The following MPDZ variants were observed in gnomAD, a reference collection of about 807,000 sequenced individuals.
MPDZ encodes multiple PDZ domain protein.
MPDZ carries 234 observed loss-of-function variants against 239.1 expected under a neutral mutation model. The observed-to-expected ratio is 0.98, with a 90% CI of 0.88 to 1.09. The LOEUF (loss-of-function observed/expected upper bound fraction) is 1.09, where lower values mean the gene tolerates loss of function less well. MPDZ is among the 50% of genes least tolerant of loss of function. MPDZ has a pLI of 0.00. For missense variants in MPDZ, 3,175 were observed against 2,510.0 expected (o/e 1.26, Z -5.66); for synonymous variants, 1,048 against 881.3 (o/e 1.19, Z -3.35).
rs926880379 is a variant in MPDZ at position 13,188,686 on chromosome 9, G to C, written c.2364+98C>G. The C allele has an allele frequency of 4.5e-5, 44 of 982,684 alleles. No homozygotes were observed. Among genetic ancestry groups the C allele is most frequent in the East Asian group, 4.1e-4 (17 of 40,978 alleles). 60.9% of individuals were successfully genotyped at this position (982,684 alleles called of 1,614,324 possible). A position where few individuals can be genotyped will look rare whatever the true frequency, so the allele number is the denominator to read the frequency against. ...ATCACGTTGATGAAAACTACTAAAA[G>C]TCACGATTCAATCATGAGAACACCT... On this transcript the variant is annotated intron_variant, in intron 17 of 46. Coordinates refer to ENST00000319217, the MANE Select transcript of MPDZ (RefSeq NM_001378778.1).
intron 27 of MPDZ, among the ~76,000 whole-genome samples, chr9:13,142,547 C>T (rs1456142548): frequency 6.6e-6 from 1 of 152,046 alleles, no homozygotes; most frequent in African/African-American, 2.4e-5. Context: ...CACTCCATGC[C>T]ATGTATGTAT....
At chr9:13,120,139 A>C (rs1255799574) in intron 38 of MPDZ, 1 of 156,352 alleles carries the variant, frequency 6.4e-6, no homozygotes, top group Non-Finnish European at 1.4e-5. Flanking sequence ...TCAAAATCTA[A>C]GTACCATTGC....
chr9:13,255,360 T>G (rs1364823277), intron 1 of MPDZ, among the ~76,000 whole-genome samples: 2 of 152,236 alleles, frequency 1.3e-5, no homozygotes, highest in Non-Finnish European at 2.9e-5. Flanking sequence ...GTCCTGGTAA[T>G]GTTGATATTT....
chr9:13,253,164 C>T (rs1056408296), intron 1 of MPDZ, among the ~76,000 whole-genome samples: 1 of 150,648 alleles, frequency 6.6e-6, no homozygotes, highest in Admixed American at 6.6e-5. Flanking sequence ...AGAAGTTCAC[C>T]TACAAGTCAG....
intron 32 of MPDZ, among the ~76,000 whole-genome samples, chr9:13,127,260 T>C (rs927519441): frequency 1.3e-5 from 2 of 152,144 alleles, no homozygotes; most frequent in East Asian, 1.9e-4. Context: ...CTCTGTCCTT[T>C]TGGGGGGTGA....
chr9:13,183,016 C>T (rs558640802), intron 19 of MPDZ, among the ~76,000 whole-genome samples: 2 of 152,082 alleles, frequency 1.3e-5, no homozygotes, highest in African/African-American at 4.8e-5. Flanking sequence ...TAAATTAATG[C>T]AAGAAATATT....
intron 24 of MPDZ, among the ~76,000 whole-genome samples, 161 bp downstream of exon 24, chr9:13,157,857 T>G (rs774613172): frequency 1.3e-5 from 2 of 152,202 alleles, no homozygotes; most frequent in Non-Finnish European, 2.9e-5. Flanking sequence ...ATACACATTA[T>G]TCTCTCCACT....
intron 32 of MPDZ, among the ~76,000 whole-genome samples, 168 bp downstream of exon 32, chr9:13,133,656 C>G (rs1479877052): frequency 6.6e-6 from 1 of 152,188 alleles, no homozygotes; most frequent in African/African-American, 2.4e-5. Context: ...CCTAGAGTTT[C>G]TCATTAAGCA....
At chr9:13,250,418 T>C in intron 1 of MPDZ, 46 bp from the exon 2 acceptor site, 2 of 1,052,948 alleles carry the variant, frequency 1.9e-6, no homozygotes. Context: ...CAGAACTTTA[T>C]ATTCTAAAGC....
At chr9:13,264,599 G>A (rs926579642) in intron 1 of MPDZ, among the ~76,000 whole-genome samples, 3 of 148,080 alleles carry the variant, frequency 2.0e-5, no homozygotes, top group Non-Finnish European at 3.0e-5. Flanking sequence ...TAAACCAATC[G>A]TTTATAGCCC....
chr9:13,266,812 G>T (rs1971889093), intron 1 of MPDZ, among the ~76,000 whole-genome samples: 1 of 152,144 alleles, frequency 6.6e-6, no homozygotes, highest in African/African-American at 2.4e-5. Flanking sequence ...ATCTCATTCA[G>T]CTACTCAAGG....
chr9:13,173,240 A>C (rs1952017446), intron 21 of MPDZ, among the ~76,000 whole-genome samples: 1 of 152,184 alleles, frequency 6.6e-6, no homozygotes, highest in Non-Finnish European at 1.5e-5. Flanking sequence ...TGCCACAGAA[A>C]TGTACTCTTA....
intron 1 of MPDZ, among the ~76,000 whole-genome samples, chr9:13,255,185 C>G (rs558277203): frequency 1.3e-5 from 2 of 152,308 alleles, no homozygotes; most frequent in Non-Finnish European, 2.9e-5. Flanking sequence ...ACTCCTCATT[C>G]ATTCAAACTT....
intron 3 of MPDZ, among the ~76,000 whole-genome samples, chr9:13,229,612 C>A (rs1489437545): frequency 6.7e-6 from 1 of 149,910 alleles, no homozygotes; most frequent in Non-Finnish European, 1.5e-5. Flanking sequence ...ACACCCCCAT[C>A]CACCCCACAC....
chr9:13,136,384 T>C (rs1332734446), intron 30 of MPDZ, among the ~76,000 whole-genome samples: 1 of 139,952 alleles, frequency 7.1e-6, no homozygotes, highest in South Asian at 2.4e-4. Context: ...CGAGCTGGAG[T>C]GTAGTGGCAC....
chr9:13,269,061 G>C (rs1399237862), intron 1 of MPDZ, among the ~76,000 whole-genome samples: 1 of 151,840 alleles, frequency 6.6e-6, no homozygotes, highest in Non-Finnish European at 1.5e-5. Flanking sequence ...GAAGGTAATG[G>C]CAAGAAAAAA....
chr9:13,245,239 A>G (rs971359694), intron 3 of MPDZ, among the ~76,000 whole-genome samples: 2 of 151,980 alleles, frequency 1.3e-5, no homozygotes, highest in African/African-American at 4.8e-5. Flanking sequence ...AGAAACTAAT[A>G]TAAGTTTTTA....
intron 3 of MPDZ, among the ~76,000 whole-genome samples, chr9:13,225,461 T>A (rs2136436372): frequency 6.6e-6 from 1 of 152,088 alleles, no homozygotes; most frequent in Non-Finnish European, 1.5e-5. Flanking sequence ...TGTACAGTAA[T>A]GTCGTAGGCC....
In MPDZ at chr9:13,115,351, G is replaced by C. The variant is rs1446679029; in HGVS notation, c.5380-17C>G. 6.3e-7 allele frequency: 1 copy of C among 1,593,680 alleles called. No individual in the cohort carries two copies. The highest frequency in any genetic ancestry group is 2.2e-5 in the East Asian group (1 of 44,742). On this transcript the variant is annotated splice_polypyrimidine_tract_variant and intron_variant, in intron 39 of 46. Transcript: ENST00000319217. ...TAGGGAACACTGGGGGTGGGCATGG[G>C]GGGTGTTTTATGGAAATGTTTAAAT...
Sources: gnomAD v4.1 joint callset for allele counts (sites outside exome capture counted in the v4.1 genomes callset) on GRCh38, gnomAD v4.1.1 for gene constraint, MANE v1.5 for transcripts, NCBI Gene and HGNC (gene_info 2026-07-23, HGNC 2026-07-21) for gene names.